The following ARHGAP23 variants were observed in gnomAD, a reference collection of about 807,000 sequenced individuals.
ARHGAP23 encodes Rho GTPase activating protein 23.
In ARHGAP23, 34 loss-of-function variants were observed where a neutral mutation model predicts 136.3. The ratio of observed to expected loss-of-function variants is 0.25; its 90% confidence interval spans 0.19 to 0.33. The LOEUF is 0.33. Among genes scored for constraint, ARHGAP23 ranks in the 10% least tolerant of loss-of-function variants. The pLI is 1.00. For missense variants in ARHGAP23, 1,808 were observed against 2,139.0 expected, an observed-to-expected ratio of 0.85 and a Z score of 3.05; for synonymous variants, 832 against 920.5, an observed-to-expected ratio of 0.90 and a Z score of 1.74.
In ARHGAP23 at chr17:38,434,619, G is replaced by C. The variant is rs542315085; in HGVS notation, c.63+6071G>C. Among the ~76,000 whole-genome samples, 6 of 152,342 alleles carry C rather than the reference G, an allele frequency of 3.9e-5. No homozygotes were observed. In the East Asian group the frequency reaches 9.7e-4, roughly 25 times the overall value. ...GGAATGTGGTGGGCTGGGAGACCGC[G>C]TGGGAGCCATGTGGGAGGACAACCA... is the stretch of plus-strand genomic sequence containing the variant. On this transcript the variant is annotated intron_variant, in intron 1 of 23. Coordinates refer to ENST00000622683, the MANE Select transcript of ARHGAP23 (RefSeq NM_001199417.2).
At chr17:38,463,512 C>T in intron 6 of ARHGAP23, 130 bp downstream of exon 6, 3 of 1,112,596 alleles carry the variant, frequency 2.7e-6, no homozygotes, top group Non-Finnish European at 3.9e-6. Flanking sequence ...TGCCAGGCCC[C>T]TCCCTGGGCT....
Position 38,510,897 on chromosome 17 carries a change from G to T in ARHGAP23, c.4401G>T (p.Ala1467=). 6.7e-7 allele frequency: 1 copy of T among 1,490,624 alleles called. No homozygotes were observed. The highest frequency in any genetic ancestry group is 8.9e-7 in the Non-Finnish European group (1 of 1,129,010). The allele number at this position is 1,490,624 out of a possible 1,614,324, so 92.3% of individuals were successfully genotyped here. The change falls in exon 24 of 24, where the codon GCG becomes GCT. Residue 1467 remains alanine, a synonymous_variant. Transcript: ENST00000622683. This position sits in a 1 kb window ranked among gnomAD's most constrained non-coding sequence, Gnocchi z 4.6. ...CGTCCGCTGCCTCGCAGCCGCCCGC[G>T]CCCGGGGACACGGGGTCCCTGCAGA... ...APSSAASQPP[A]PGDTGSLQSQ... is the part of the protein sequence containing the mutation.
rs537354836 is a variant in ARHGAP23, at chr17:38,435,671, C to T, written c.63+7123C>T. 5.1e-4 allele frequency among the ~76,000 whole-genome samples: 78 copies of T among 152,256 alleles called. 1 individual carries two copies. Among genetic ancestry groups the T allele is most frequent in the Admixed American group, 2.7e-3 (42 of 15,300 alleles). ...AGGCTGGGGTGCAATGGCGCGATCT[C>T]GGCTCACTGCAACCTCTCCCGGGTT... On this transcript the variant is annotated intron_variant, in intron 1 of 23. Coordinates refer to ENST00000622683, the MANE Select transcript of ARHGAP23 (RefSeq NM_001199417.2).
At chr17:38,482,406 C>A in intron 15 of ARHGAP23, 117 bp from the exon 16 acceptor site, 4 of 1,116,972 alleles carry the variant, frequency 3.6e-6, no homozygotes, top group Non-Finnish European at 5.0e-6. Context: ...CAGCAAGGGC[C>A]TTTTGTTCCC....
chr17:38,449,798 C>T (rs35594964), intron 1 of ARHGAP23, among the ~76,000 whole-genome samples: 396 of 152,242 alleles, frequency 2.6e-3, no homozygotes, highest in African/African-American at 9.1e-3. Context: ...TTGTTTGTCA[C>T]CTGGCAGTTT....
In ARHGAP23 at chr17:38,421,443, C is replaced by T. The variant is rs180877430; in HGVS notation, n.120+2044C>T. Among the ~76,000 whole-genome samples, 7 of 152,366 alleles carry T rather than the reference C, an allele frequency of 4.6e-5. 1 individual carries two copies. In the South Asian group the frequency reaches 8.3e-4, roughly 18 times the overall value. On this transcript the variant is annotated intron_variant and non_coding_transcript_variant, in intron 1 of 4. Coordinates refer to the ARHGAP23 transcript ENST00000633445. Reference sequence around the variant, plus strand: ...TTAACGCCCGGCTTTCTGGATGCACCGGAAGCGTGGTGTGTATGGAGTGCG... The same window carrying T: ...TTAACGCCCGGCTTTCTGGATGCACTGGAAGCGTGGTGTGTATGGAGTGCG...
At chr17:38,458,521 GA>G (rs1429037828) in intron 2 of ARHGAP23, among the ~76,000 whole-genome samples, 5 of 152,226 alleles carry the variant, frequency 3.3e-5, no homozygotes, top group African/African-American at 1.2e-4. Flanking sequence ...AGGAGACAGG[GA>G]GGGGTGGCTG....
chr17:38,469,655 C>G lies in ARHGAP23; in HGVS notation c.1916+20C>G. On this transcript the variant is annotated intron_variant, in intron 9 of 23. Coordinates refer to ENST00000622683, the MANE Select transcript of ARHGAP23 (RefSeq NM_001199417.2). ...TCTGCGGTGAGGCCCTGTCCGGACA[C>G]GGGGTGGGGTGGCCACAGCCACCGT... is the stretch of plus-strand genomic sequence containing the variant. 1 of 1,546,254 alleles carries G rather than the reference C, an allele frequency of 6.5e-7. No homozygotes were observed. Among genetic ancestry groups the G allele is most frequent in the Non-Finnish European group, 8.7e-7 (1 of 1,145,158 alleles).
intron 1 of ARHGAP23, among the ~76,000 whole-genome samples, chr17:38,431,287 C>A (rs976044860): frequency 1.3e-5 from 2 of 152,190 alleles, no homozygotes; most frequent in African/African-American, 2.4e-5. Flanking sequence ...CCATGCTAGC[C>A]CATAGCACTG....
At chr17:38,454,025 G>T (rs1214442190) in intron 1 of ARHGAP23, 1 of 147,296 alleles carries the variant, frequency 6.8e-6, no homozygotes, top group South Asian at 2.1e-4. Context: ...GGGGCCGGGG[G>T]CTGGCGCTGG....
At chr17:38,480,573 G>T (rs1465562546) in intron 14 of ARHGAP23, among the ~76,000 whole-genome samples, 2 of 151,950 alleles carry the variant, frequency 1.3e-5, no homozygotes, top group African/African-American at 2.4e-5. Context: ...GGCGGAGCTT[G>T]CATTGAGCCA....
intron 18 of ARHGAP23, 54 bp from the exon 19 acceptor site, chr17:38,490,408 G>A (rs2040250191): frequency 2.9e-6 from 4 of 1,365,654 alleles, no homozygotes; most frequent in Non-Finnish European, 4.1e-6. Context: ...GATGACGGGG[G>A]ACAGGGGCAG....
intron 21 of ARHGAP23, 114 bp from the exon 22 acceptor site, chr17:38,498,300 G>C (rs2040437410): frequency 1.3e-6 from 1 of 767,106 alleles, no homozygotes; most frequent in Admixed American, 3.1e-5. Flanking sequence ...CCCTGCCCCA[G>C]TGAGCCCGGT....
chr17:38,480,803 C>CAA (rs764004002), intron 14 of ARHGAP23, among the ~76,000 whole-genome samples: 12 of 48,182 alleles, frequency 2.5e-4, no homozygotes, highest in East Asian at 6.6e-4. Flanking sequence ...GACCCTGTCT[C>CAA]AAAAAAAAAA....
In ARHGAP23 at chr17:38,477,798, A is replaced by C; in HGVS notation, c.2338A>C (p.Thr780Pro). 1.3e-6 allele frequency: 2 copies of C among 1,550,044 alleles called. No individual in the cohort carries two copies. Among genetic ancestry groups the C allele is most frequent in the Non-Finnish European group, 1.7e-6 (2 of 1,146,520 alleles). ...TKRRHVFRLT[T>P]ADFCEYLFQA... ...GAGGAGGCACGTGTTCCGGCTGACC[A>C]CCGCTGACTTCTGTGAATATCTCTT... Residue 780 changes from threonine to proline, a missense_variant, in exon 12 of 24, where the codon ACC (threonine) becomes CCC (proline). By Grantham distance (38) the Thr-to-Pro change is conservative. Coordinates refer to ENST00000622683, the MANE Select transcript of ARHGAP23 (RefSeq NM_001199417.2). This position sits in a 1 kb window ranked among gnomAD's most constrained non-coding sequence, Gnocchi z 6.6.
upstream of ARHGAP23, among the ~76,000 whole-genome samples, chr17:38,424,243 G>A (rs755958300): frequency 3.9e-5 from 6 of 151,950 alleles, no homozygotes; most frequent in East Asian, 1.9e-4. Flanking sequence ...CCCTCCTTGC[G>A]TCCCCTCCGG....
Position 38,466,662 on chromosome 17 carries a change from C to A in ARHGAP23, c.979C>A (p.Arg327Ser), listed in dbSNP as rs954800610. The change falls in exon 7 of 24, where the codon CGC becomes AGC. Residue 327 changes from arginine to serine, a missense_variant. By Grantham distance (110) the Arg-to-Ser change is moderately radical. This residue lies in a region of ARHGAP23 where 859 missense variants were observed against 936.4 expected (regional missense o/e 0.92). Transcript: ENST00000622683. ...CCGGTTGGAGGAGGTGGCTGCCCCCCGCCCGTGGCCCTGCTCCACCTCCCA... is the reference window on the plus strand; with the variant it reads ...CCGGTTGGAGGAGGTGGCTGCCCCCAGCCCGTGGCCCTGCTCCACCTCCCA... ...QDRLEEVAAP[R>S]PWPCSTSQDA... The A allele has an allele frequency of 2.6e-6, 4 of 1,511,722 alleles. No homozygotes were observed. The highest frequency in any genetic ancestry group is 1.4e-5 in the African/African-American group (1 of 72,500). The allele number at this position is 1,511,722 out of a possible 1,614,324, so 93.6% of individuals were successfully genotyped here. A position where few individuals can be genotyped will look rare whatever the true frequency, so the allele number is the denominator to read the frequency against.
chr17:38,451,302 T>C (rs1019878344), intron 1 of ARHGAP23: 8 of 152,388 alleles, frequency 5.2e-5, no homozygotes, highest in African/African-American at 1.7e-4. Flanking sequence ...GAGGAATCTG[T>C]TACCTCCTTG....
chr17:38,438,282 C>A (rs977498920), intron 1 of ARHGAP23, among the ~76,000 whole-genome samples: 20 of 142,976 alleles, frequency 1.4e-4, no homozygotes, highest in Non-Finnish European at 2.7e-4. Flanking sequence ...GATCATGCCA[C>A]TGCACACTCC....
Sources: gnomAD v4.1 joint callset for allele counts (sites outside exome capture counted in the v4.1 genomes callset) on GRCh38, gnomAD v4.1.1 for gene constraint, gnomAD v4.1.1 regional missense constraint, Gnocchi (gnomAD v3.1) non-coding constraint, MANE v1.5 for transcripts, NCBI Gene and HGNC (gene_info 2026-07-23, HGNC 2026-07-21) for gene names.